NEK7: variants seen among roughly 807,000 people sequenced by gnomAD.
NEK7 encodes NIMA related kinase 7, also known as serine/threonine-protein kinase Nek7.
NEK7 carries 18 observed loss-of-function variants against 44.6 expected under a neutral mutation model. The ratio of observed to expected loss-of-function variants is 0.40; its 90% CI spans 0.28 to 0.60. The LOEUF (loss-of-function observed/expected upper bound fraction) is 0.60, where lower values mean the gene tolerates loss of function less well. Among genes scored for constraint, NEK7 ranks in the 20% least tolerant of loss-of-function variants. The pLI is 0.38. For missense variants in NEK7, 256 were observed against 366.5 expected (o/e 0.70, Z 2.46); for synonymous variants, 130 against 121.1 (o/e 1.07, Z -0.48).
At chr1:198,203,639 T>C (rs963170039) in intron 1 of NEK7, among the ~76,000 whole-genome samples, 2 of 152,226 alleles carry the variant, frequency 1.3e-5, no homozygotes, top group Non-Finnish European at 2.9e-5. Flanking sequence ...CAGTGAGGAC[T>C]GTGAGAAGTA....
At chr1:198,277,515 G>A (rs910551053) in intron 5 of NEK7, among the ~76,000 whole-genome samples, 1 of 151,636 alleles carries the variant, frequency 6.6e-6, no homozygotes. Context: ...AATAAATTAT[G>A]ATATTTCAAA....
intron 5 of NEK7, among the ~76,000 whole-genome samples, chr1:198,266,040 A>C (rs946966792): frequency 6.6e-6 from 1 of 152,048 alleles, no homozygotes; most frequent in East Asian, 1.9e-4. Flanking sequence ...ACGTGCACAA[A>C]ACCTTCCCAA....
intron 5 of NEK7, among the ~76,000 whole-genome samples, chr1:198,271,367 A>C (rs900379875): frequency 1.3e-5 from 2 of 152,052 alleles, no homozygotes; most frequent in Non-Finnish European, 2.9e-5. Flanking sequence ...AGTGAGGTAC[A>C]TCTTAGAATT....
intron 2 of NEK7, among the ~76,000 whole-genome samples, chr1:198,249,657 A>G (rs1240907875): frequency 6.6e-6 from 1 of 150,888 alleles, no homozygotes; most frequent in East Asian, 2.0e-4. Context: ...GCATTTTTTC[A>G]TGTGTTTTTT....
intron 9 of NEK7, among the ~76,000 whole-genome samples, chr1:198,307,608 G>A (rs1377954434): frequency 6.6e-6 from 1 of 152,100 alleles, no homozygotes; most frequent in East Asian, 1.9e-4. Flanking sequence ...ATTTGCTTAA[G>A]GGAAAACAAA....
At chr1:198,308,769 C>A (rs1051266570) in intron 9 of NEK7, among the ~76,000 whole-genome samples, 5 of 152,164 alleles carry the variant, frequency 3.3e-5, no homozygotes, top group Non-Finnish European at 4.4e-5. Flanking sequence ...TAAGTACTTG[C>A]CATTGCTTTC....
intron 1 of NEK7, among the ~76,000 whole-genome samples, chr1:198,185,874 C>G (rs1003736118): frequency 5.3e-5 from 8 of 152,170 alleles, no homozygotes; most frequent in African/African-American, 1.9e-4. Flanking sequence ...TGCTGGTTGT[C>G]TTCCAGATTA....
At chr1:198,233,243 C>A (rs1185315669) in intron 2 of NEK7, among the ~76,000 whole-genome samples, 1 of 151,992 alleles carries the variant, frequency 6.6e-6, no homozygotes, top group Non-Finnish European at 1.5e-5. Flanking sequence ...TGTATTTCTC[C>A]TGTGATATAT....
chr1:198,271,621 C>G (rs1653845091), intron 5 of NEK7, among the ~76,000 whole-genome samples: 1 of 151,840 alleles, frequency 6.6e-6, no homozygotes, highest in Admixed American at 6.6e-5. Context: ...GGTTTCCCAG[C>G]AGTCCCATCT....
intron 5 of NEK7, 129 bp from the exon 6 acceptor site, chr1:198,277,832 A>T: frequency 1.6e-6 from 1 of 606,630 alleles, no homozygotes; most frequent in Non-Finnish European, 2.9e-6. Context: ...CAGTATAAAG[A>T]TCATATGCTT....
chr1:198,230,741 C>G (rs918858407), intron 1 of NEK7, among the ~76,000 whole-genome samples: 1 of 151,920 alleles, frequency 6.6e-6, no homozygotes, highest in African/African-American at 2.4e-5. Flanking sequence ...TTGCAAGATA[C>G]AGGGTCAATA....
At chr1:198,236,086 G>A (rs1311236427) in intron 2 of NEK7, among the ~76,000 whole-genome samples, 1 of 152,096 alleles carries the variant, frequency 6.6e-6, no homozygotes, top group African/African-American at 2.4e-5. Flanking sequence ...CATGTTCAGG[G>A]TAGTAATCAG....
rs1265512972 is a variant in NEK7, at chr1:198,319,530, A to C, written c.*8A>C. 1.1e-5 allele frequency: 17 copies of C among 1,602,036 alleles called. No individual in the cohort carries two copies. Among genetic ancestry groups the C allele is most frequent in the Non-Finnish European group, 1.4e-5 (16 of 1,174,592 alleles). ...TGCACTGCAAGCAGCTAAACATGCA[A>C]GATCATGAAGAGTGTAACCAAAGTA... On this transcript the variant is annotated 3_prime_UTR_variant, in exon 10 of 10. Coordinates refer to ENST00000367385, the MANE Select transcript of NEK7 (RefSeq NM_133494.3).
chr1:198,265,849 G>T (rs1653635502), intron 5 of NEK7, among the ~76,000 whole-genome samples: 2 of 151,934 alleles, frequency 1.3e-5, no homozygotes, highest in Admixed American at 1.3e-4. Context: ...TAGATGGATG[G>T]ATATGTGTAC....
At position 198,253,086 on chromosome 1, in the gene NEK7, G is replaced by C; in HGVS notation, c.104G>C (p.Arg35Pro). The change falls in exon 3 of 10, where the codon CGA (arginine) becomes CCA (proline). Residue 35 changes from arginine (R) to proline (P), a missense_variant. Transcript: ENST00000367385. ...GGCTATAATACATTAGCCAACTTTC[G>C]AATAGAAAAGAAAATTGGTCGCGGA... ...DMGYNTLANF[R>P]IEKKIGRGQF... 6.2e-7 allele frequency: 1 copy of C among 1,612,144 alleles called. No homozygotes were observed. The highest frequency in any genetic ancestry group is 8.5e-7 in the Non-Finnish European group (1 of 1,178,610).
chr1:198,235,361 A>T (rs1000524676), intron 2 of NEK7, among the ~76,000 whole-genome samples: 4 of 151,198 alleles, frequency 2.6e-5, no homozygotes, highest in Non-Finnish European at 5.9e-5. Context: ...TATCAGCTCC[A>T]CTCCTTCCCA....
chr1:198,189,032 A>G (rs1664995309), intron 1 of NEK7, among the ~76,000 whole-genome samples: 1 of 152,204 alleles, frequency 6.6e-6, no homozygotes, highest in Non-Finnish European at 1.5e-5. Context: ...TAATATTTAC[A>G]TATCTGAATA....
chr1:198,176,803 C>T (rs188177636), intron 1 of NEK7, among the ~76,000 whole-genome samples: 8 of 151,792 alleles, frequency 5.3e-5, no homozygotes, highest in Admixed American at 2.6e-4. Context: ...TAGGGGATGA[C>T]GGATAACAAT....
intron 1 of NEK7, chr1:198,207,015 T>C (rs1665617496): frequency 6.6e-6 from 1 of 152,154 alleles, no homozygotes; most frequent in South Asian, 2.1e-4. Context: ...AATGTCTGCT[T>C]TTCCAAAGAA....
Sources: gnomAD v4.1 joint callset for allele counts (sites outside exome capture counted in the v4.1 genomes callset) on GRCh38, gnomAD v4.1.1 for gene constraint, MANE v1.5 for transcripts, NCBI Gene and HGNC (gene_info 2026-07-23, HGNC 2026-07-21) for gene names.